The following ANO4 variants were observed in gnomAD, a reference collection of about 807,000 sequenced individuals.
The protein encoded by ANO4 is anoctamin 4.
In ANO4, 69 loss-of-function variants were observed where a neutral mutation model predicts 141.9. That is an observed-to-expected ratio of 0.49 (90% CI 0.40 to 0.59). ANO4 has a LOEUF of 0.59. ANO4 is among the 20% of genes least tolerant of loss of function. The pLI, the probability that ANO4 is intolerant of heterozygous loss-of-function variation, is 0.00. For missense variants in ANO4, 894 were observed against 1,162.2 expected (o/e 0.77, Z 3.36); for synonymous variants, 350 against 394.3 (o/e 0.89, Z 1.33).
At chr12:100,745,138 A>G (rs1020630146) in intron 3 of ANO4, among the ~76,000 whole-genome samples, 1 of 152,196 alleles carries the variant, frequency 6.6e-6, no homozygotes, top group Non-Finnish European at 1.5e-5. Context: ...ACTCTCCAGC[A>G]TGTCTCACCG....
intron 14 of ANO4, among the ~76,000 whole-genome samples, chr12:101,052,850 A>G (rs2047929715): frequency 6.6e-6 from 1 of 152,224 alleles, no homozygotes; most frequent in East Asian, 1.9e-4. Flanking sequence ...CCCATTAGAA[A>G]GAAATTACTA....
intron 9 of ANO4, among the ~76,000 whole-genome samples, chr12:101,031,378 T>C (rs1341060203): frequency 6.6e-6 from 1 of 152,200 alleles, no homozygotes; most frequent in East Asian, 1.9e-4. Flanking sequence ...TTCAATAAAA[T>C]TCAACAGCCC....
chr12:100,817,108 A>C (rs1250306699), intron 1 of ANO4, among the ~76,000 whole-genome samples: 6 of 151,886 alleles, frequency 4.0e-5, no homozygotes, highest in African/African-American at 1.4e-4. Context: ...GAAGATATAA[A>C]ATTCAATGAG....
At chr12:101,017,544 A>G (rs1454518348) in intron 8 of ANO4, among the ~76,000 whole-genome samples, 1 of 151,958 alleles carries the variant, frequency 6.6e-6, no homozygotes, top group Admixed American at 6.6e-5. Flanking sequence ...TGGAAACAAG[A>G]GCAATCTGGA....
At chr12:100,758,915 C>T (rs2032733704) in intron 3 of ANO4, among the ~76,000 whole-genome samples, 1 of 152,144 alleles carries the variant, frequency 6.6e-6, no homozygotes, top group African/African-American at 2.4e-5. Context: ...TGTCTGTCTT[C>T]CCTTTTTCTG....
intron 1 of ANO4, among the ~76,000 whole-genome samples, chr12:100,814,536 C>A (rs1016440738): frequency 6.6e-6 from 1 of 152,046 alleles, no homozygotes; most frequent in South Asian, 2.1e-4. Context: ...TTTTAAAAAA[C>A]CACTCTGATG....
At chr12:100,842,413 G>A (rs1375040044) in intron 1 of ANO4, among the ~76,000 whole-genome samples, 1 of 150,332 alleles carries the variant, frequency 6.7e-6, no homozygotes, top group Non-Finnish European at 1.5e-5. Flanking sequence ...GTATGTGTAT[G>A]TGTGTGTGTG....
chr12:100,917,485 A>G (rs1426830301), intron 2 of ANO4, among the ~76,000 whole-genome samples: 2 of 152,224 alleles, frequency 1.3e-5, no homozygotes, highest in Non-Finnish European at 2.9e-5. Context: ...ATAACAATAA[A>G]TAAATAAAAT....
intron 7 of ANO4, among the ~76,000 whole-genome samples, chr12:100,982,064 G>A (rs1204943861): frequency 2.6e-5 from 4 of 152,136 alleles, no homozygotes; most frequent in Admixed American, 2.6e-4. Context: ...CAGCATGAAG[G>A]AAACCTGAGC....
intron 1 of ANO4, among the ~76,000 whole-genome samples, chr12:100,815,775 G>A (rs1311282064): frequency 4.6e-5 from 7 of 152,060 alleles, no homozygotes; most frequent in African/African-American, 1.4e-4. Context: ...GTGTGTTTGT[G>A]TGTGTGAATT....
chr12:101,003,547 A>G (rs1487554240), intron 8 of ANO4, among the ~76,000 whole-genome samples: 1 of 152,202 alleles, frequency 6.6e-6, no homozygotes, highest in African/African-American at 2.4e-5. Context: ...GACTAATAAG[A>G]CAGTATGCTC....
chr12:100,892,274 C>T (rs944740204), intron 1 of ANO4, among the ~76,000 whole-genome samples: 2 of 152,094 alleles, frequency 1.3e-5, no homozygotes, highest in Admixed American at 6.6e-5. Context: ...TGGCTATATA[C>T]TACAACATTT....
intron 4 of ANO4, among the ~76,000 whole-genome samples, chr12:100,939,735 G>C (rs144343614): frequency 6.6e-6 from 1 of 152,086 alleles, no homozygotes; most frequent in East Asian, 1.9e-4. Context: ...TCTCCCACTG[G>C]TACAAAATAA....
In ANO4 at chr12:100,747,505, C is replaced by G. The variant is rs546081320; in HGVS notation, c.358+7400C>G. 3.3e-5 allele frequency among the ~76,000 whole-genome samples: 5 copies of G among 152,342 alleles called. No individual in the cohort carries two copies. The East Asian group carries it at 9.7e-4, about 29-fold the overall frequency. ...TAAGCAGGAATCATTGAGAACTCTT[C>G]CCTTTGCCTTGTGCCCTCCTTCTCC... On this transcript the variant is annotated intron_variant, in intron 3 of 29. Coordinates refer to the ANO4 transcript ENST00000644049.
intron 8 of ANO4, among the ~76,000 whole-genome samples, chr12:100,998,782 C>A (rs912761555): frequency 1.3e-5 from 2 of 151,656 alleles, no homozygotes; most frequent in African/African-American, 4.8e-5. Flanking sequence ...TAGAGTCAGT[C>A]ATTCCAGGAG....
intron 3 of ANO4, among the ~76,000 whole-genome samples, chr12:100,756,883 C>T (rs1001465523): frequency 6.6e-6 from 1 of 152,122 alleles, no homozygotes; most frequent in Non-Finnish European, 1.5e-5. Context: ...CACCACTACC[C>T]CTATTTCACC....
rs960690954 is a variant in ANO4, at chr12:100,875,231, G to A, written c.-140-26415G>A. On this transcript the variant is annotated intron_variant, in intron 1 of 27. Transcript: ENST00000392977. ...TGGTGGGAGGTGACTGGATCATGGCGGTGGATTTTCCCCTTACTGTTCTTG... is the reference window on the plus strand; with the variant it reads ...TGGTGGGAGGTGACTGGATCATGGCAGTGGATTTTCCCCTTACTGTTCTTG... Among the ~76,000 whole-genome samples the A allele has an allele frequency of 2.0e-5, 3 of 152,154 alleles. No individual in the cohort carries two copies. In the South Asian group the frequency reaches 6.2e-4, roughly 32 times the overall value.
intron 5 of ANO4, among the ~76,000 whole-genome samples, chr12:100,966,861 G>GTA (rs143291891): frequency 1.0e-4 from 15 of 144,852 alleles, no homozygotes; most frequent in East Asian, 6.0e-4. Context: ...ATACACACAT[G>GTA]TATATATATA....
At chr12:100,883,085 A>G (rs17041419) in intron 1 of ANO4, among the ~76,000 whole-genome samples, 24,527 of 152,204 alleles carry the variant, frequency 0.16, 2,460 homozygotes, top group East Asian at 0.37. Context: ...CTGCGACACA[A>G]GTATCTTGCC....
Sources: allele counts gnomAD v4.1 joint callset (sites outside exome capture counted in the v4.1 genomes callset), GRCh38; gene constraint gnomAD v4.1.1; transcripts MANE v1.5; gene names NCBI Gene and HGNC (gene_info 2026-07-23, HGNC 2026-07-21).